Variants in MRTFB observed in about 807,000 individuals in gnomAD.
MRTFB encodes the protein myocardin related transcription factor B.
A neutral mutation model predicts 104.2 loss-of-function variants in MRTFB; 29 were observed. The ratio of observed to expected loss-of-function variants is 0.28; its 90% CI spans 0.21 to 0.38. The LOEUF is 0.38. Ranked by LOEUF, MRTFB falls within the 10% of genes least tolerant of loss-of-function variation. The pLI, the probability that MRTFB is intolerant of heterozygous loss-of-function variation, is 1.00. For missense variants in MRTFB, 1,270 were observed against 1,341.6 expected, an observed-to-expected ratio of 0.95 and a Z score of 0.83; for synonymous variants, 535 against 519.5, an observed-to-expected ratio of 1.03 and a Z score of -0.41.
At chr16:14,254,791 AC>A (rs1396605273) in intron 15 of MRTFB, among the ~76,000 whole-genome samples, 16 of 152,258 alleles carry the variant, frequency 1.1e-4, no homozygotes, top group Admixed American at 7.2e-4. Context: ...CATGCATCAT[AC>A]AAAGAATTGG....
intron 3 of MRTFB, among the ~76,000 whole-genome samples, chr16:14,193,108 C>T (rs192187671): frequency 1.1e-3 from 165 of 149,764 alleles, no homozygotes; most frequent in African/African-American, 3.7e-3. Flanking sequence ...TCCCCCTACA[C>T]ACATTCTGGC....
the MRTFB span, among the ~76,000 whole-genome samples, chr16:14,011,921 T>C: frequency 6.6e-6 from 1 of 152,202 alleles, no homozygotes; most frequent in Non-Finnish European, 1.5e-5. Flanking sequence ...GCATTCGTTA[T>C]TGTTACAGGG....
At chr16:14,002,710 A>C in the MRTFB span, among the ~76,000 whole-genome samples, 1 of 152,192 alleles carries the variant, frequency 6.6e-6, no homozygotes, top group Non-Finnish European at 1.5e-5. Flanking sequence ...GATGGAAAAG[A>C]AGCGGGTAAG....
Position 14,172,503 on chromosome 16 carries a change from A to AT in MRTFB, c.154+31750dup, listed in dbSNP as rs541692997. On this transcript the variant is annotated intron_variant, in intron 3 of 16. Coordinates refer to ENST00000571589, the MANE Select transcript of MRTFB (RefSeq NM_001308142.2). The stretch of plus-strand genomic sequence containing the variant: ...ACTGCTGCAGTAAATAACTTTTGGC[A>AT]TTTTTTTAATGATGTCAGAGATTTA... Among the ~76,000 whole-genome samples the AT allele has an allele frequency of 3.3e-5, 5 of 152,002 alleles. No individual in the cohort carries two copies. The South Asian group carries it at 1.0e-3, about 32-fold the overall frequency.
chr16:14,183,636 A>G (rs2039844422), intron 3 of MRTFB, among the ~76,000 whole-genome samples: 1 of 152,176 alleles, frequency 6.6e-6, no homozygotes, highest in African/African-American at 2.4e-5. Context: ...TAGGAATTAC[A>G]CACCTGAACA....
intron 16 of MRTFB, among the ~76,000 whole-genome samples, chr16:14,260,528 A>G (rs2151480817): frequency 6.6e-6 from 1 of 152,310 alleles, no homozygotes; most frequent in Middle Eastern, 3.4e-3. Context: ...CTTTAATGAC[A>G]AAATAACGAC....
intron 10 of MRTFB, among the ~76,000 whole-genome samples, chr16:14,244,967 T>G (rs553808530): frequency 1.3e-5 from 2 of 152,364 alleles, no homozygotes; most frequent in Admixed American, 1.3e-4. Flanking sequence ...CTGAAAGCTT[T>G]ATTTTCATAA....
chr16:14,094,191 A>G (rs1241719778), intron 2 of MRTFB, among the ~76,000 whole-genome samples: 1 of 152,160 alleles, frequency 6.6e-6, no homozygotes, highest in Non-Finnish European at 1.5e-5. Context: ...TAAGATGACA[A>G]GATTGCTTTC....
At chr16:14,189,863 T>C (rs1276979695) in intron 3 of MRTFB, among the ~76,000 whole-genome samples, 1 of 152,190 alleles carries the variant, frequency 6.6e-6, no homozygotes, top group Non-Finnish European at 1.5e-5. Flanking sequence ...ATTGGGATGT[T>C]TTAGAATCTT....
At chr16:14,081,645 T>C (rs2034413304) in intron 2 of MRTFB, among the ~76,000 whole-genome samples, 1 of 152,010 alleles carries the variant, frequency 6.6e-6, no homozygotes, top group Non-Finnish European at 1.5e-5. Flanking sequence ...AGTGGTGCAA[T>C]CACGGCTCAC....
chr16:14,243,876 T>C, intron 10 of MRTFB, among the ~76,000 whole-genome samples: 1 of 147,342 alleles, frequency 6.8e-6, no homozygotes, highest in African/African-American at 2.6e-5. Context: ...TTTTTTTTTT[T>C]TGAGACAGAG....
chr16:14,134,997 T>C (rs2037635433), intron 2 of MRTFB, among the ~76,000 whole-genome samples: 1 of 152,224 alleles, frequency 6.6e-6, no homozygotes. Flanking sequence ...ATCTCTTCTT[T>C]TCAGTTGTCA....
At chr16:14,242,642 C>G (rs1362769857) in intron 10 of MRTFB, among the ~76,000 whole-genome samples, 2 of 152,158 alleles carry the variant, frequency 1.3e-5, no homozygotes, top group African/African-American at 2.4e-5. Flanking sequence ...TCCAGCCCAG[C>G]TTGTCTGCAC....
At chr16:14,005,045 T>G in the MRTFB span, among the ~76,000 whole-genome samples, 8 of 152,238 alleles carry the variant, frequency 5.3e-5, no homozygotes, top group African/African-American at 1.9e-4. Context: ...CCTGCATGAC[T>G]GGAGGTGGGA....
chr16:14,171,271 TA>T (rs2039414086), intron 3 of MRTFB, among the ~76,000 whole-genome samples: 1 of 152,174 alleles, frequency 6.6e-6, no homozygotes, highest in Non-Finnish European at 1.5e-5. Context: ...ATCCTCTTAG[TA>T]GACAGAAATA....
chr16:14,163,164 G>C (rs1367829343), intron 3 of MRTFB, among the ~76,000 whole-genome samples: 1 of 152,140 alleles, frequency 6.6e-6, no homozygotes, highest in Admixed American at 6.6e-5. Flanking sequence ...ATATCTCATT[G>C]AGGGTATACA....
intron 3 of MRTFB, among the ~76,000 whole-genome samples, chr16:14,190,381 A>G (rs2040126497): frequency 6.6e-6 from 1 of 152,194 alleles, no homozygotes; most frequent in Non-Finnish European, 1.5e-5. Context: ...GAGTATTACA[A>G]ACCACTCTGA....
chr16:14,100,382 C>T (rs1021217152), intron 2 of MRTFB, among the ~76,000 whole-genome samples: 4 of 152,026 alleles, frequency 2.6e-5, no homozygotes, highest in Admixed American at 2.6e-4. Context: ...TTTTTTAATT[C>T]GTTAATAGGG....
chr16:14,044,174 C>T, the MRTFB span, among the ~76,000 whole-genome samples: 52 of 152,154 alleles, frequency 3.4e-4, no homozygotes, highest in Non-Finnish European at 6.8e-4. Flanking sequence ...AGTCAGTCTA[C>T]TAAGTGTCAA....
Sources: allele counts gnomAD v4.1 joint callset (sites outside exome capture counted in the v4.1 genomes callset), GRCh38; gene constraint gnomAD v4.1.1; transcripts MANE v1.5; gene names NCBI Gene and HGNC (gene_info 2026-07-23, HGNC 2026-07-21).